Variants in GULP1 observed in about 807,000 individuals in gnomAD.
The protein encoded by GULP1 is PTB domain-containing engulfment adapter protein 1.
Under a neutral mutation model 40.9 loss-of-function variants are expected in GULP1, and 19 were observed. That is an observed-to-expected ratio of 0.46 (90% CI 0.32 to 0.68). GULP1 has a LOEUF of 0.68. GULP1 is among the 30% of genes least tolerant of loss of function. GULP1 has a pLI of 0.03. For synonymous variants in GULP1, 119 were observed against 117.6 expected, an observed-to-expected ratio of 1.01 and a Z score of -0.08; for missense variants, 312 against 362.2, an observed-to-expected ratio of 0.86 and a Z score of 1.12.
intron 1 of GULP1, among the ~76,000 whole-genome samples, chr2:188,328,636 G>A (rs1303418975): frequency 1.3e-5 from 2 of 152,106 alleles, no homozygotes; most frequent in African/African-American, 4.8e-5. Context: ...GCTTTGGGGA[G>A]TCTGAGAAGC....
intron 1 of GULP1, among the ~76,000 whole-genome samples, chr2:188,301,298 A>G (rs1330608865): frequency 6.6e-6 from 1 of 152,192 alleles, no homozygotes. Context: ...TGCTGGTATT[A>G]CAGGTGTGAG....
intron 4 of GULP1, among the ~76,000 whole-genome samples, chr2:188,499,136 T>G (rs1250152404): frequency 4.6e-5 from 1 of 21,614 alleles, no homozygotes; most frequent in Non-Finnish European, 9.7e-5. Context: ...TATGTGTGTG[T>G]ATATATATAT....
At chr2:188,382,233 A>G (rs2049087426) in intron 1 of GULP1, among the ~76,000 whole-genome samples, 1 of 152,146 alleles carries the variant, frequency 6.6e-6, no homozygotes, top group Non-Finnish European at 1.5e-5. Context: ...GTTCCAGGGA[A>G]TTAATGCCCC....
chr2:188,386,622 C>CA (rs2049795828), intron 2 of GULP1, among the ~76,000 whole-genome samples: 1 of 151,976 alleles, frequency 6.6e-6, no homozygotes, highest in African/African-American at 2.4e-5. Context: ...ATATGTACAT[C>CA]ACTTGGTTTG....
At chr2:188,579,156 A>C (rs542754224) in intron 9 of GULP1, among the ~76,000 whole-genome samples, 2 of 152,168 alleles carry the variant, frequency 1.3e-5, no homozygotes, top group Non-Finnish European at 2.9e-5. Context: ...TAGGTTAGGA[A>C]TCAAAAACTC....
intron 3 of GULP1, 74 bp downstream of exon 3, chr2:188,477,804 A>G: frequency 3.4e-6 from 4 of 1,180,224 alleles, no homozygotes; most frequent in Non-Finnish European, 4.9e-6. Context: ...ATGTTAAGAA[A>G]TCAGTTTTTC....
chr2:188,304,833 C>A (rs1446391664), intron 1 of GULP1, among the ~76,000 whole-genome samples: 1 of 152,212 alleles, frequency 6.6e-6, no homozygotes, highest in African/African-American at 2.4e-5. Context: ...GAAAAACTCT[C>A]AAACTATGTT....
intron 1 of GULP1, among the ~76,000 whole-genome samples, chr2:188,339,259 A>G (rs1300720059): frequency 6.6e-6 from 1 of 152,246 alleles, no homozygotes; most frequent in Non-Finnish European, 1.5e-5. Context: ...GTGAGATGTT[A>G]TCATTAGACT....
intron 2 of GULP1, among the ~76,000 whole-genome samples, chr2:188,463,747 C>G (rs1221141941): frequency 6.6e-6 from 1 of 151,984 alleles, no homozygotes; most frequent in East Asian, 1.9e-4. Context: ...TGTCTTCAAG[C>G]CCACTAATTC....
At chr2:188,402,639 G>T (rs2052469274) in intron 2 of GULP1, among the ~76,000 whole-genome samples, 1 of 151,940 alleles carries the variant, frequency 6.6e-6, no homozygotes, top group South Asian at 2.1e-4. Flanking sequence ...ATGTTTAAAT[G>T]ACTTTCTCTA....
chr2:188,559,680 A>G (rs1054069387), intron 7 of GULP1, among the ~76,000 whole-genome samples: 6 of 152,150 alleles, frequency 3.9e-5, no homozygotes, highest in African/African-American at 1.4e-4. Flanking sequence ...TTGGAAAGGC[A>G]TGATTGGCTT....
At chr2:188,592,359 A>C (rs1361738177) in intron 11 of GULP1, 1 of 152,048 alleles carries the variant, frequency 6.6e-6, no homozygotes, top group Non-Finnish European at 1.5e-5. Context: ...AGATCTTCAG[A>C]TATCCAAATA....
intron 1 of GULP1, among the ~76,000 whole-genome samples, chr2:188,325,943 T>C (rs1401632635): frequency 6.6e-6 from 1 of 152,184 alleles, no homozygotes; most frequent in African/African-American, 2.4e-5. Flanking sequence ...GTACGCATTG[T>C]TGCAAGTGAT....
intron 1 of GULP1, among the ~76,000 whole-genome samples, chr2:188,343,527 A>T (rs769320142): frequency 1.2e-4 from 18 of 152,210 alleles, no homozygotes; most frequent in Non-Finnish European, 2.2e-4. Flanking sequence ...CTTAAAGCGA[A>T]TTACAAAAAG....
chr2:188,572,668 A>AT (rs1239203163), intron 9 of GULP1, among the ~76,000 whole-genome samples: 1 of 152,154 alleles, frequency 6.6e-6, no homozygotes, highest in African/African-American at 2.4e-5. Flanking sequence ...TTATCATATG[A>AT]TTTTTTAAAT....
intron 7 of GULP1, among the ~76,000 whole-genome samples, chr2:188,564,544 T>C (rs1697171797): frequency 6.6e-6 from 1 of 151,916 alleles, no homozygotes; most frequent in Admixed American, 6.6e-5. Context: ...ACTGAAATCT[T>C]CAAAGTATTG....
chr2:188,418,802 A>G (rs549137680), intron 2 of GULP1, among the ~76,000 whole-genome samples: 35 of 152,188 alleles, frequency 2.3e-4, no homozygotes, highest in Admixed American at 1.2e-3. Flanking sequence ...TATAGCTACA[A>G]TGTTGTACAG....
chr2:188,593,441 T>C (rs1703978842), intron 11 of GULP1: 1 of 152,162 alleles, frequency 6.6e-6, no homozygotes, highest in African/African-American at 2.4e-5. Flanking sequence ...CAAAGTAATC[T>C]GCAGTTGTGT....
At chr2:188,389,776 A>AT (rs1452680665) in intron 2 of GULP1, among the ~76,000 whole-genome samples, 1 of 151,956 alleles carries the variant, frequency 6.6e-6, no homozygotes, top group African/African-American at 2.4e-5. Context: ...CACCCTCCCC[A>AT]TTCTGGATGT....
Sources: allele counts gnomAD v4.1 joint callset (sites outside exome capture counted in the v4.1 genomes callset), GRCh38; gene constraint gnomAD v4.1.1; transcripts MANE v1.5; gene names NCBI Gene and HGNC (gene_info 2026-07-23, HGNC 2026-07-21).